EYA1: variants seen among roughly 807,000 people sequenced by gnomAD.
The protein encoded by EYA1 is EYA transcriptional coactivator and phosphatase 1.
EYA1 carries 16 observed loss-of-function variants against 82.0 expected under a neutral mutation model. The observed-to-expected ratio is 0.20, with a 90% confidence interval of 0.13 to 0.30. The LOEUF (loss-of-function observed/expected upper bound fraction) is 0.30, where lower values mean the gene tolerates loss of function less well. Ranked by LOEUF, EYA1 falls within the 10% of genes least tolerant of loss-of-function variation. The pLI, the probability that EYA1 is intolerant of heterozygous loss-of-function variation, is 1.00. For synonymous variants in EYA1, 261 were observed against 264.4 expected (o/e 0.99, Z 0.12); for missense variants, 633 against 730.7 (o/e 0.87, Z 1.54).
intron 9 of EYA1, among the ~76,000 whole-genome samples, chr8:71,287,526 T>C (rs1818520318): frequency 6.6e-6 from 1 of 152,236 alleles, no homozygotes; most frequent in Non-Finnish European, 1.5e-5. Context: ...ATGACCATTA[T>C]CCACTTTCCA....
intron 9 of EYA1, among the ~76,000 whole-genome samples, chr8:71,286,748 C>A (rs1224595413): frequency 1.3e-5 from 2 of 151,462 alleles, no homozygotes; most frequent in African/African-American, 4.8e-5. Context: ...GGTCATCAAA[C>A]CTTCAAAGTT....
At chr8:71,412,359 C>A (rs1489457603) in intron 2 of EYA1, among the ~76,000 whole-genome samples, 2 of 145,926 alleles carry the variant, frequency 1.4e-5, no homozygotes, top group African/African-American at 2.5e-5. Context: ...TGCACATGTA[C>A]CCTAAAACTT....
chr8:71,406,648 A>C (rs1250954701), intron 2 of EYA1, among the ~76,000 whole-genome samples: 1 of 152,206 alleles, frequency 6.6e-6, no homozygotes, highest in East Asian at 1.9e-4. Context: ...TCTCACCCGA[A>C]TATTGCGCTT....
intron 2 of EYA1, among the ~76,000 whole-genome samples, chr8:71,373,284 G>C (rs76524917): frequency 0.01 from 1,553 of 152,202 alleles, 19 homozygotes; most frequent in Middle Eastern, 0.034. Context: ...AATTAATTCA[G>C]TAAAGTGGTA....
At chr8:71,273,893 G>A (rs965550647) in intron 9 of EYA1, among the ~76,000 whole-genome samples, 10 of 152,148 alleles carry the variant, frequency 6.6e-5, no homozygotes, top group African/African-American at 9.7e-5. Context: ...TAATTTTGTC[G>A]TAAAAGTCGT....
chr8:71,482,175 A>G (rs180878071), intron 2 of EYA1, among the ~76,000 whole-genome samples: 2 of 152,360 alleles, frequency 1.3e-5, no homozygotes, highest in East Asian at 3.9e-4. Flanking sequence ...TGCAGGATAT[A>G]AAAAGAACAC....
At chr8:71,312,728 G>A (rs1280936708) in intron 7 of EYA1, among the ~76,000 whole-genome samples, 1 of 152,152 alleles carries the variant, frequency 6.6e-6, no homozygotes, top group Admixed American at 6.5e-5. Context: ...GTGAGCCATA[G>A]GTTCTTATCT....
chr8:71,362,155 CTTTTTTTT>C (rs35320129), upstream of EYA1: 33 of 824,626 alleles, frequency 4.0e-5, no homozygotes, highest in Admixed American at 1.6e-4. Context: ...TCGGGGCTTT[CTTTTTTTT>C]TTTTTTTTTT....
chr8:71,476,554 C>T (rs553962328), intron 2 of EYA1, among the ~76,000 whole-genome samples: 2 of 152,024 alleles, frequency 1.3e-5, no homozygotes, highest in African/African-American at 2.4e-5. Flanking sequence ...ATATAAAACA[C>T]TGTTGCAAAA....
chr8:71,217,733 T>C (rs1809397657), intron 12 of EYA1, among the ~76,000 whole-genome samples: 1 of 152,238 alleles, frequency 6.6e-6, no homozygotes, highest in Admixed American at 6.5e-5. Flanking sequence ...TATTATTACA[T>C]ATTCACTGGA....
At chr8:71,481,951 C>T (rs1810195276) in intron 2 of EYA1, among the ~76,000 whole-genome samples, 1 of 152,132 alleles carries the variant, frequency 6.6e-6, no homozygotes, top group South Asian at 2.1e-4. Flanking sequence ...AGCTTCCATT[C>T]TGTAACTTTT....
rs544514244 is a variant in EYA1 at position 71,501,699 on chromosome 8, C to A, written c.33+34045G>T. 7.2e-5 allele frequency among the ~76,000 whole-genome samples: 11 copies of A among 152,294 alleles called. No homozygotes were observed. The South Asian group carries it at 2.1e-3, about 29-fold the overall frequency. On this transcript the variant is annotated intron_variant, in intron 2 of 18. Coordinates refer to the EYA1 transcript ENST00000643681. ...ATGGACACTGAAATACAGTAGCAAT[C>A]CTGCCTCGGCTACACAAAGTCAGGA... is the stretch of plus-strand genomic sequence containing the variant.
chr8:71,545,464 CCTCT>C (rs894116666), intron 1 of EYA1, among the ~76,000 whole-genome samples: 3 of 151,574 alleles, frequency 2.0e-5, no homozygotes, highest in East Asian at 1.9e-4. Context: ...TATTATAACA[CCTCT>C]CTCTCTAATT....
chr8:71,366,613 C>T (rs1033728635), upstream of EYA1, among the ~76,000 whole-genome samples: 1 of 152,068 alleles, frequency 6.6e-6, no homozygotes, highest in African/African-American at 2.4e-5. Context: ...TTAAATTCTT[C>T]GGAAACAATG....
chr8:71,446,424 C>T (rs1054482643), intron 2 of EYA1, among the ~76,000 whole-genome samples: 2 of 150,378 alleles, frequency 1.3e-5, no homozygotes, highest in Non-Finnish European at 3.0e-5. Flanking sequence ...ATGTAAGTTT[C>T]CTGAGGCCCC....
At chr8:71,256,349 C>T (rs1490311639) in intron 11 of EYA1, among the ~76,000 whole-genome samples, 1 of 152,122 alleles carries the variant, frequency 6.6e-6, no homozygotes, top group Non-Finnish European at 1.5e-5. Flanking sequence ...GTGGCATATA[C>T]ATACAACAGA....
chr8:71,393,992 G>A (rs985792890), intron 2 of EYA1, among the ~76,000 whole-genome samples: 5 of 152,170 alleles, frequency 3.3e-5, no homozygotes, highest in Admixed American at 3.3e-4. Flanking sequence ...TCTAACTGGT[G>A]TGAGATGGTA....
At chr8:71,280,968 G>A (rs1817751797) in intron 9 of EYA1, among the ~76,000 whole-genome samples, 2 of 152,106 alleles carry the variant, frequency 1.3e-5, no homozygotes. Context: ...ACGTTGCCAG[G>A]CTAGTCTCAA....
chr8:71,439,153 A>G (rs1806221536), intron 2 of EYA1, among the ~76,000 whole-genome samples: 1 of 152,148 alleles, frequency 6.6e-6, no homozygotes, highest in Non-Finnish European at 1.5e-5. Flanking sequence ...GAATCTCAGA[A>G]AGGTTAAAAC....
Sources: allele counts gnomAD v4.1 joint callset (sites outside exome capture counted in the v4.1 genomes callset), GRCh38; gene constraint gnomAD v4.1.1; transcripts MANE v1.5; gene names NCBI Gene and HGNC (gene_info 2026-07-23, HGNC 2026-07-21).